Variants in ZNF404 observed in about 807,000 individuals in gnomAD.
The protein encoded by ZNF404 is zinc finger protein 404.
In ZNF404, 7 loss-of-function variants were observed where a neutral mutation model predicts 7.3. The ratio of observed to expected loss-of-function variants is 0.95; its 90% CI spans 0.54 to 1.79. The LOEUF (loss-of-function observed/expected upper bound fraction) is 1.79, where lower values mean the gene tolerates loss of function less well. Ranked by LOEUF, ZNF404 falls within the 40% of genes most tolerant of loss-of-function variation. The probability of loss-of-function intolerance (pLI) is 0.00; values close to 1 mark genes in which losing one functional copy is unlikely to be tolerated. For missense variants in ZNF404, 560 were observed against 661.5 expected (o/e 0.85, Z 1.68); for synonymous variants, 191 against 209.9 (o/e 0.91, Z 0.78).
At chr19:43,878,387 G>A (rs1971868175) in intron 2 of ZNF404, among the ~76,000 whole-genome samples, 1 of 152,024 alleles carries the variant, frequency 6.6e-6, no homozygotes, top group Non-Finnish European at 1.5e-5. Flanking sequence ...CTTCTTTTGA[G>A]AAGTGTCTGT....
chr19:43,883,498 C>T (rs558974198), intron 1 of ZNF404, among the ~76,000 whole-genome samples: 1 of 152,270 alleles, frequency 6.6e-6, no homozygotes, highest in South Asian at 2.1e-4. Context: ...TTCACTCAAA[C>T]CTAAATGCGT....
intron 2 of ZNF404, among the ~76,000 whole-genome samples, chr19:43,874,522 C>T (rs1179888132): frequency 6.6e-6 from 1 of 151,998 alleles, no homozygotes; most frequent in Non-Finnish European, 1.5e-5. Flanking sequence ...GAATAAAAGG[C>T]CCTGTCTTAT....
chr19:43,883,838 A>T (rs770973558), intron 1 of ZNF404, 118 bp downstream of exon 1: 5 of 1,077,982 alleles, frequency 4.6e-6, no homozygotes, highest in Non-Finnish European at 6.8e-6. Context: ...GAGGAATGTG[A>T]AATAGGTTCC....
intron 2 of ZNF404, among the ~76,000 whole-genome samples, chr19:43,876,017 A>G (rs1011340948): frequency 6.6e-6 from 1 of 152,200 alleles, no homozygotes; most frequent in East Asian, 1.9e-4. Flanking sequence ...TAAATGAAGC[A>G]TTTCATTTAA....
rs764429040 is a variant in ZNF404, at chr19:43,873,585, G to C, written c.629C>G (p.Thr210Ser). The C allele has an allele frequency of 2.5e-6, 4 of 1,613,634 alleles. No individual in the cohort carries two copies. In the Admixed American group the frequency reaches 6.7e-5, roughly 27 times the overall value. ...CTTACATTCATAGGGTTTCATACCA[G>C]TATGAATTATCTGATGCTGAATAAG... ...SQLIQHQIIH[T>S]GMKPYECKQC... The change falls in exon 3 of 3, where the codon ACT (threonine) becomes AGT (serine). Residue 210 changes from threonine (T) to serine (S), a missense_variant. By Grantham distance (58) the Thr-to-Ser change is moderately conservative. Transcript: ENST00000587539.
chr19:43,873,893 A>ATT lies in ZNF404; in HGVS notation c.320_321insAA (p.Phe107LeufsTer5). On this transcript the variant is annotated frameshift_variant, in exon 3 of 3. Transcript: ENST00000587539. LOFTEE classifies it low-confidence loss of function (END_TRUNC). ...TATGTTTTTTGAATATCATTTGACTAAAACATCCCACTTTAGGTCTCTGTT... is the reference window on the plus strand; with the variant it reads ...TATGTTTTTTGAATATCATTTGACTATTAAACATCCCACTTTAGGTCTCTGTT... 1 of 1,613,104 alleles carries ATT rather than the reference A, an allele frequency of 6.2e-7. No individual in the cohort carries two copies. Among genetic ancestry groups the ATT allele is most frequent in the Non-Finnish European group, 8.5e-7 (1 of 1,179,480 alleles).
Position 43,873,161 on chromosome 19 carries a change from A to G in ZNF404, c.1053T>C (p.Ser351=). 1 of 1,613,634 alleles carries G rather than the reference A, an allele frequency of 6.2e-7. No homozygotes were observed. The highest frequency in any genetic ancestry group is 8.5e-7 in the Non-Finnish European group (1 of 1,179,696). ...SLLKHKRIHS[S]EKLYDCKDCG... is the part of the protein sequence containing the mutation. ...AATCCTTACAATCATAGAGTTTCTC[A>G]CTACTATGAATTCTCTTATGTTTAA... The change falls in exon 3 of 3, where the codon AGT becomes AGC. Residue 351 remains serine (S), a synonymous_variant. Transcript: ENST00000587539.
In ZNF404 at chr19:43,872,959, C is replaced by G. The variant is rs1395706192; in HGVS notation, c.1255G>C (p.Ala419Pro). Residue 419 changes from alanine to proline, a missense_variant, in exon 3 of 3, where the codon GCC becomes CCC. Physicochemically the swap from Ala to Pro is conservative, Grantham distance 27 (BLOSUM62 -1). Coordinates refer to ENST00000587539, the MANE Select transcript of ZNF404 (RefSeq NM_001033719.3). The surrounding 1 kb of genome is among the most constrained non-coding windows in gnomAD (Gnocchi z 4.4). ...KPYECKQCGK[A>P]FSRVGDLKTH... ...TTAAGGTCTCCAACACGACTGAAGG[C>G]TTTCCCACATTGCTTACATTCATAT... The G allele has an allele frequency of 6.2e-7, 1 of 1,606,176 alleles. No homozygotes were observed. Among genetic ancestry groups the G allele is most frequent in the Non-Finnish European group, 8.5e-7 (1 of 1,175,548 alleles).
chr19:43,878,964 G>A (rs1205966959), intron 2 of ZNF404, among the ~76,000 whole-genome samples: 1 of 152,106 alleles, frequency 6.6e-6, no homozygotes, highest in Non-Finnish European at 1.5e-5. Context: ...TATTTTATAT[G>A]CAATGCCCAG....
In ZNF404 at chr19:43,873,714, G is replaced by A; in HGVS notation, c.500C>T (p.Ala167Val). The A allele has an allele frequency of 6.2e-7, 1 of 1,613,110 alleles. No individual in the cohort carries two copies. Among genetic ancestry groups the A allele is most frequent in the Non-Finnish European group, 8.5e-7 (1 of 1,179,600 alleles). The change falls in exon 3 of 3, where the codon GCA (alanine) becomes GTA (valine). Residue 167 changes from alanine to valine, a missense_variant. Ala to Val is a moderately conservative substitution (Grantham distance 64). Coordinates refer to ENST00000587539, the MANE Select transcript of ZNF404 (RefSeq NM_001033719.3). ...AATAAAATGCTGGAAAACTACAAAT[G>A]CTTTTCCACATTCATTACATTCATA... The part of the protein sequence containing the change: ...IPYECNECGK[A>V]FVVFQHFIRH...
chr19:43,881,638 A>G (rs1971895391), intron 1 of ZNF404: 1 of 152,222 alleles, frequency 6.6e-6, no homozygotes, highest in Non-Finnish European at 1.5e-5. Context: ...AAACAGATCC[A>G]CAGATTCAAC....
chr19:43,877,769 T>A (rs1458438801), intron 2 of ZNF404, among the ~76,000 whole-genome samples: 1 of 134,622 alleles, frequency 7.4e-6, no homozygotes, highest in Non-Finnish European at 1.6e-5. Context: ...GAGTGTGATG[T>A]TCCCCTTCCT....
intron 2 of ZNF404, among the ~76,000 whole-genome samples, chr19:43,874,717 A>G (rs920056096): frequency 6.6e-6 from 1 of 152,104 alleles, no homozygotes; most frequent in Admixed American, 6.6e-5. Context: ...GTAAATTCAT[A>G]TTTTTAAGTC....
At chr19:43,877,615 G>A (rs1971859120) in intron 2 of ZNF404, among the ~76,000 whole-genome samples, 1 of 149,668 alleles carries the variant, frequency 6.7e-6, no homozygotes, top group Non-Finnish European at 1.5e-5. Context: ...TAAGTTTTAG[G>A]GTACATGTGC....
At chr19:43,881,222 CG>C (rs1353027164) in intron 1 of ZNF404, among the ~76,000 whole-genome samples, 2 of 152,118 alleles carry the variant, frequency 1.3e-5, no homozygotes, top group Non-Finnish European at 2.9e-5. Flanking sequence ...ATTGTACTAG[CG>C]GTTCTAGCCA....
At chr19:43,878,052 T>C (rs1361648387) in intron 2 of ZNF404, among the ~76,000 whole-genome samples, 1 of 128,406 alleles carries the variant, frequency 7.8e-6, no homozygotes, top group Non-Finnish European at 1.6e-5. Flanking sequence ...TACGTGTGCA[T>C]GTGTCTTTAT....
Position 43,873,191 on chromosome 19 carries a change from G to C in ZNF404, c.1023C>G (p.Ser341Arg). The change falls in exon 3 of 3, where the codon AGC (serine) becomes AGG (arginine). Residue 341 changes from serine to arginine, a missense_variant. Transcript: ENST00000587539. Reference protein sequence around the residue: ...ECGKAFGKGSSLLKHKRIHSS... With the variant: ...ECGKAFGKGSRLLKHKRIHSS... ...TATGAATTCTCTTATGTTTAAGAAGGCTTGAGCCCTTACCAAAAGCCTTTC... is the reference window on the plus strand; with the variant it reads ...TATGAATTCTCTTATGTTTAAGAAGCCTTGAGCCCTTACCAAAAGCCTTTC... The C allele has an allele frequency of 6.2e-7, 1 of 1,612,512 alleles. No homozygotes were observed. Among genetic ancestry groups the C allele is most frequent in the Non-Finnish European group, 8.5e-7 (1 of 1,178,802 alleles).
Position 43,874,013 on chromosome 19 carries a change from C to T in ZNF404, c.201G>A (p.Ala67=), listed in dbSNP as rs780624273. Reference sequence around the variant, plus strand: ...TTCTTTTCCATGTCTCCTGATGGTACGCATTTACTTCATAATTTCTTTTTT... The same window carrying T: ...TTCTTTTCCATGTCTCCTGATGGTATGCATTTACTTCATAATTTCTTTTTT... ...SSEKRNYEVN[A]YHQETWKRNK... is the part of the protein sequence containing the mutation. Residue 67 remains alanine, a synonymous_variant, in exon 3 of 3, where the codon GCG becomes GCA. Coordinates refer to ENST00000587539, the MANE Select transcript of ZNF404 (RefSeq NM_001033719.3). 3.0e-4 allele frequency: 474 copies of T among 1,594,680 alleles called. 2 individuals are homozygous for T. Among genetic ancestry groups the T allele is most frequent in the Non-Finnish European group, 1.1e-4 (129 of 1,175,094 alleles).
Position 43,872,475 on chromosome 19 carries a change from T to C in ZNF404, c.*80A>G. On this transcript the variant is annotated 3_prime_UTR_variant, in exon 3 of 3. Transcript: ENST00000587539. The surrounding 1 kb of genome is among the most constrained non-coding windows in gnomAD (Gnocchi z 4.4). ...CCTTTCCAAGTATTTATATTCTATA[T>C]TAACTAGTTTAATCTTCACTATAGC... is the stretch of plus-strand genomic sequence containing the variant. 8.8e-7 allele frequency: 1 copy of C among 1,135,034 alleles called. No homozygotes were observed. The highest frequency in any genetic ancestry group is 1.2e-6 in the Non-Finnish European group (1 of 822,246). 70.3% of individuals were successfully genotyped at this position (1,135,034 alleles called of 1,614,324 possible).
Sources: gnomAD v4.1 joint callset for allele counts (sites outside exome capture counted in the v4.1 genomes callset) on GRCh38, gnomAD v4.1.1 for gene constraint, Gnocchi (gnomAD v3.1) non-coding constraint, MANE v1.5 for transcripts, NCBI Gene and HGNC (gene_info 2026-07-23, HGNC 2026-07-21) for gene names.